Variants in ABCA10 observed in about 807,000 individuals in gnomAD.
The protein encoded by ABCA10 is ATP binding cassette subfamily A member 10.
A neutral mutation model predicts 187.5 loss-of-function variants in ABCA10; 169 were observed. That is an observed-to-expected ratio of 0.90 (90% CI 0.80 to 1.02). The LOEUF is 1.02. Among genes scored for constraint, ABCA10 ranks in the 50% least tolerant of loss-of-function variants. The pLI is 0.00. For synonymous variants in ABCA10, 574 were observed against 601.8 expected (o/e 0.95, Z 0.68); for missense variants, 1,727 against 1,812.4 (o/e 0.95, Z 0.86).
At position 69,200,818 on chromosome 17, in the gene ABCA10, T is replaced by A. The variant is rs143266469; in HGVS notation, c.1175+682A>T. The stretch of plus-strand genomic sequence containing the variant: ...AACTCCACCTCTTGGGCTCAAGCCA[T>A]CCTCCCACGTCAGCCTCCCCAGTAG... On this transcript the variant is annotated intron_variant, in intron 10 of 38. Coordinates refer to ENST00000690296, the MANE Select transcript of ABCA10 (RefSeq NM_001377321.1). Among the ~76,000 whole-genome samples, 273 of 152,224 alleles carry A rather than the reference T, an allele frequency of 1.8e-3. 4 individuals carry two copies. The highest frequency in any genetic ancestry group is 0.017 in the East Asian group (86 of 5,184).
chr17:69,187,772 T>C lies in ABCA10; in HGVS notation c.2239A>G (p.Ser747Gly), dbSNP rs1240306616. 3 of 1,613,974 alleles carry C rather than the reference T, an allele frequency of 1.9e-6. No individual in the cohort carries two copies. ...CSLPETRKAV[S>G]SAALWRRQIY... ...TGTCGTCTCCAGAGAGCTGCACTAC[T>C]GACAGCCTTTCTTGTTTCAGGAAGA... Residue 747 changes from serine to glycine, a missense_variant, in exon 19 of 39, where the codon AGT becomes GGT. Physicochemically the swap from Ser to Gly is moderately conservative, Grantham distance 56 (BLOSUM62 0). Coordinates refer to ENST00000690296, the MANE Select transcript of ABCA10 (RefSeq NM_001377321.1).
chr17:69,163,212 G>A (rs1269752736), intron 27 of ABCA10, among the ~76,000 whole-genome samples: 2 of 152,082 alleles, frequency 1.3e-5, no homozygotes, highest in African/African-American at 4.8e-5. Flanking sequence ...CTTGTCTAAT[G>A]TTCTAACCTT....
In ABCA10 at chr17:69,216,250, TA is replaced by T; in HGVS notation, c.638del (p.Ile213AsnfsTer12). 1 of 1,613,616 alleles carries T rather than the reference TA, an allele frequency of 6.2e-7. No homozygotes were observed. Among genetic ancestry groups the T allele is most frequent in the Non-Finnish European group, 8.5e-7 (1 of 1,179,764 alleles). ...PIVFHTGFMV[I>X]FTLYSLYGLS... ...GGCCATATAAGCTATAGAGTGTGAA[TA>T]TCACCATGAAGCCAGTATGAAATAC... On this transcript the variant is annotated frameshift_variant, in exon 7 of 39. Transcript: ENST00000690296. LOFTEE classifies it high-confidence loss of function.
chr17:69,165,731 T>C (rs2074249831), intron 25 of ABCA10, among the ~76,000 whole-genome samples: 1 of 152,160 alleles, frequency 6.6e-6, no homozygotes, highest in Admixed American at 6.6e-5. Context: ...TAGTTTATTG[T>C]AGGTGGATTT....
rs191960735 is a variant in ABCA10 at position 69,197,735 on chromosome 17, C to T, written c.1176-613G>A. ...AGTCTCTAACTCCCTGGCTTCTACA[C>T]TTTGGTTCCACATCTTCCTCTTACT... On this transcript the variant is annotated intron_variant, in intron 10 of 38. Coordinates refer to ENST00000690296, the MANE Select transcript of ABCA10 (RefSeq NM_001377321.1). Among the ~76,000 whole-genome samples, 139 of 152,340 alleles carry T rather than the reference C, an allele frequency of 9.1e-4. 1 individual carries two copies. Among genetic ancestry groups the T allele is most frequent in the Admixed American group, 4.8e-3 (74 of 15,308 alleles).
chr17:69,152,525 G>T, intron 34 of ABCA10, 44 bp from the exon 35 acceptor site: 2 of 1,569,740 alleles, frequency 1.3e-6, no homozygotes, highest in Non-Finnish European at 8.6e-7. Flanking sequence ...AAAGTAATTT[G>T]GGGAAATAGA....
rs757921806 is a variant in ABCA10, at chr17:69,164,984, A to T, written c.3262T>A (p.Tyr1088Asn). 6.2e-7 allele frequency: 1 copy of T among 1,613,226 alleles called. No homozygotes were observed. Among genetic ancestry groups the T allele is most frequent in the Non-Finnish European group, 8.5e-7 (1 of 1,179,408 alleles). The part of the protein sequence containing the change: ...IFIPSFTLLG[Y>N]VMLLIQLDFM... ...CTTACCTGGATCAATAACATGACAT[A>T]CCCCAGCAAAGTGAAGGAAGGTATG... The change falls in exon 26 of 39, where the codon TAT (tyrosine) becomes AAT (asparagine). Residue 1088 changes from tyrosine (Y) to asparagine (N), a missense_variant. By Grantham distance (143) the Tyr-to-Asn change is moderately radical. Coordinates refer to ENST00000690296, the MANE Select transcript of ABCA10 (RefSeq NM_001377321.1).
At chr17:69,198,722 C>G (rs1392256783) in intron 10 of ABCA10, among the ~76,000 whole-genome samples, 1 of 152,150 alleles carries the variant, frequency 6.6e-6, no homozygotes, top group African/African-American at 2.4e-5. Context: ...CTGTATTAAA[C>G]TCCTTTACTC....
At chr17:69,224,759 C>T (rs1436232242) in intron 3 of ABCA10, among the ~76,000 whole-genome samples, 1 of 150,532 alleles carries the variant, frequency 6.6e-6, no homozygotes, top group Non-Finnish European at 1.5e-5. Flanking sequence ...GTAGCCAATA[C>T]CTGATTTGAT....
chr17:69,153,656 C>A, intron 32 of ABCA10, 110 bp from the exon 33 acceptor site: 1 of 1,475,026 alleles, frequency 6.8e-7, no homozygotes, highest in Non-Finnish European at 9.1e-7. Context: ...TTTAAGCTTC[C>A]TTAACGTTTT....
At chr17:69,204,684 T>G (rs984422036) in intron 9 of ABCA10, among the ~76,000 whole-genome samples, 10 of 152,248 alleles carry the variant, frequency 6.6e-5, no homozygotes, top group Non-Finnish European at 1.3e-4. Context: ...GCAGTTACAT[T>G]TTAAATGGAT....
chr17:69,172,948 G>T (rs981361555), intron 25 of ABCA10, among the ~76,000 whole-genome samples: 1 of 152,016 alleles, frequency 6.6e-6, no homozygotes, highest in East Asian at 1.9e-4. Context: ...AAAGAAATCT[G>T]GTGTACCTAT....
chr17:69,211,317 AT>A (rs2074650263), intron 9 of ABCA10, among the ~76,000 whole-genome samples: 2 of 1,550 alleles, frequency 1.3e-3, no homozygotes, highest in African/African-American at 6.3e-3. Context: ...TATATATGAT[AT>A]ATATATATAT....
chr17:69,170,462 T>C (rs574781615), intron 25 of ABCA10, among the ~76,000 whole-genome samples: 2 of 147,460 alleles, frequency 1.4e-5, no homozygotes, highest in African/African-American at 5.0e-5. Context: ...AAAAAAGAAG[T>C]CTTCCATTAA....
intron 1 of ABCA10, among the ~76,000 whole-genome samples, chr17:69,235,575 C>A (rs527756717): frequency 6.6e-6 from 1 of 152,192 alleles, no homozygotes; most frequent in East Asian, 1.9e-4. Context: ...GCTGTCACTG[C>A]CACTACTCAA....
intron 20 of ABCA10, among the ~76,000 whole-genome samples, chr17:69,185,234 A>C (rs1425752263): frequency 1.3e-5 from 2 of 152,132 alleles, no homozygotes; most frequent in Admixed American, 1.3e-4. Context: ...AAAATCTCAG[A>C]AATCACCATT....
chr17:69,190,305 T>G (rs17776227), intron 18 of ABCA10, 53 bp downstream of exon 18: 197,530 of 1,491,606 alleles, frequency 0.13, 14,154 homozygotes, highest in Middle Eastern at 0.19. Flanking sequence ...GAACATCATC[T>G]TTTTCTCTTC....
intron 26 of ABCA10, among the ~76,000 whole-genome samples, chr17:69,164,397 T>G (rs939362044): frequency 6.6e-6 from 1 of 152,128 alleles, no homozygotes; most frequent in African/African-American, 2.4e-5. Context: ...AAGTTTCTCT[T>G]TAGTGGGAGT....
At chr17:69,191,649 G>A (rs1196672219) in intron 16 of ABCA10, among the ~76,000 whole-genome samples, 1 of 99,094 alleles carries the variant, frequency 1.0e-5, no homozygotes, top group Non-Finnish European at 2.0e-5. Context: ...GTGTATAAAA[G>A]TTATTTTATG....
Sources: allele counts gnomAD v4.1 joint callset (sites outside exome capture counted in the v4.1 genomes callset), GRCh38; gene constraint gnomAD v4.1.1; transcripts MANE v1.5; gene names NCBI Gene and HGNC (gene_info 2026-07-23, HGNC 2026-07-21).